The following MICAL1 variants were observed in gnomAD, a reference collection of about 807,000 sequenced individuals.
MICAL1 encodes the protein [F-actin]-monooxygenase MICAL1.
MICAL1 carries 95 observed loss-of-function variants against 131.8 expected under a neutral mutation model. The observed-to-expected ratio is 0.72, with a 90% confidence interval of 0.61 to 0.86. MICAL1 has a LOEUF of 0.86. Among genes scored for constraint, MICAL1 ranks in the 40% least tolerant of loss-of-function variants. MICAL1 has a pLI of 0.00. For missense variants in MICAL1, 1,292 were observed against 1,380.6 expected, an observed-to-expected ratio of 0.94 and a Z score of 1.02; for synonymous variants, 546 against 554.2, an observed-to-expected ratio of 0.99 and a Z score of 0.21.
intron 11 of MICAL1, chr6:109,449,084 G>C: frequency 1.4e-6 from 1 of 732,654 alleles, no homozygotes; most frequent in Admixed American, 2.8e-5. Flanking sequence ...AAGTAGAGGA[G>C]TGAATAAAGT....
intron 14 of MICAL1, 75 bp from the exon 15 acceptor site, chr6:109,447,797 C>T (rs1582641291): frequency 1.9e-6 from 3 of 1,612,194 alleles, no homozygotes; most frequent in South Asian, 2.2e-5. Context: ...ATGTCCTCAC[C>T]ATCACCCCAG....
In MICAL1 at chr6:109,445,231, G is replaced by A. The variant is rs376575225; in HGVS notation, c.2847C>T (p.Gly949=). ...GCCTCAAGGCCAGCTCCAGCTTCAC[G>A]CCCTCGGCCTCTAGCTCCCTCAAGG... The part of the protein sequence containing the change: ...EAALRELEAE[G]VKLELALRRQ... The change falls in exon 22 of 25, where the codon GGC becomes GGT. Residue 949 remains glycine, a synonymous_variant. Coordinates refer to ENST00000358807, the MANE Select transcript of MICAL1 (RefSeq NM_022765.4). The A allele has an allele frequency of 7.4e-6, 12 of 1,613,818 alleles. No homozygotes were observed. The highest frequency in any genetic ancestry group is 1.7e-5 in the Admixed American group (1 of 60,012).
chr6:109,446,015 G>A (rs1482543260), intron 19 of MICAL1, 121 bp downstream of exon 19: 10 of 1,469,970 alleles, frequency 6.8e-6, no homozygotes, highest in Non-Finnish European at 9.0e-6. Flanking sequence ...GAGCAGAGGA[G>A]AGGCTGCCAC....
chr6:109,449,829 C>T, intron 9 of MICAL1, 46 bp from the exon 10 acceptor site: 2 of 1,588,112 alleles, frequency 1.3e-6, no homozygotes, highest in Non-Finnish European at 1.7e-6. Context: ...GGGAGGGCAC[C>T]TGTCAGCACC....
chr6:109,449,593 G>C (rs1218822613), intron 10 of MICAL1, 64 bp downstream of exon 10: 7 of 1,600,440 alleles, frequency 4.4e-6, no homozygotes, highest in East Asian at 2.2e-5. Flanking sequence ...ACTGGGCAGG[G>C]AGGGCCTGAC....
upstream of MICAL1, among the ~76,000 whole-genome samples, chr6:109,460,617 C>G (rs1167333831): frequency 6.6e-6 from 1 of 151,924 alleles, no homozygotes; most frequent in East Asian, 1.9e-4. Context: ...GATAAACTAT[C>G]ACAACATTCC....
Position 109,449,405 on chromosome 6 carries a change from G to T in MICAL1, c.1511C>A (p.Ala504Asp). 6.2e-7 allele frequency: 1 copy of T among 1,614,206 alleles called. No individual in the cohort carries two copies. The highest frequency in any genetic ancestry group is 1.7e-5 in the Admixed American group (1 of 60,028). The change falls in exon 11 of 25, where the codon GCC becomes GAC. Residue 504 changes from alanine (A) to aspartate (D), a missense_variant. By Grantham distance (126) the Ala-to-Asp change is moderately radical. Transcript: ENST00000358807. ...TGGGAGGAAGGCCTGCTCACCGGTG[G>T]CTGGCATCCCTGTATCTGTCTTGTC... ...NNDKTDTGMP[A>D]TGSAGTQEEL... is the part of the protein sequence containing the mutation.
At position 109,449,495 on chromosome 6, in the gene MICAL1, G is replaced by A. The variant is rs762512381; in HGVS notation, c.1435-14C>T. 15 of 1,614,086 alleles carry A rather than the reference G, an allele frequency of 9.3e-6. No individual in the cohort carries two copies. The East Asian group carries it at 1.1e-4, about 12-fold the overall frequency. On this transcript the variant is annotated splice_polypyrimidine_tract_variant and intron_variant, in intron 10 of 24. Coordinates refer to ENST00000358807, the MANE Select transcript of MICAL1 (RefSeq NM_022765.4). Reference sequence around the variant, plus strand: ...CAGGTCTCGTACCTAAGGCAGCCCCGCTCAGGTCTCAAGGCAGGCTGGCCA... The same window carrying A: ...CAGGTCTCGTACCTAAGGCAGCCCCACTCAGGTCTCAAGGCAGGCTGGCCA...
At chr6:109,453,235 A>C in intron 4 of MICAL1, 28 bp downstream of exon 4, 3 of 1,554,368 alleles carry the variant, frequency 1.9e-6, no homozygotes, top group Non-Finnish European at 2.7e-6. Flanking sequence ...GGGGAGGGGG[A>C]GATTCCAGGG....
chr6:109,444,696 GTGTC>G (rs1775128388), intron 24 of MICAL1, 25 bp downstream of exon 24: 1 of 1,612,434 alleles, frequency 6.2e-7, no homozygotes, highest in Non-Finnish European at 8.5e-7. Context: ...TCCCTGGGAT[GTGTC>G]TGCTTCTCCC....
At chr6:109,461,271 C>T (rs143537217) in intron 1 of MICAL1, among the ~76,000 whole-genome samples, 2,750 of 152,224 alleles carry the variant, frequency 0.018, 96 homozygotes, top group African/African-American at 0.063. Context: ...CATGTCCCTG[C>T]AAAGGACATG....
chr6:109,450,671 C>A, intron 7 of MICAL1, 114 bp from the exon 8 acceptor site: 1 of 1,166,898 alleles, frequency 8.6e-7, no homozygotes, highest in Non-Finnish European at 1.2e-6. Context: ...AAGGAAGGGG[C>A]TGCCCTAGAC....
At chr6:109,460,358 CT>C, upstream of MICAL1, among the ~76,000 whole-genome samples, 1 of 146,682 alleles carries the variant, frequency 6.8e-6, no homozygotes, top group East Asian at 2.0e-4. Flanking sequence ...ACTCAGGAGG[CT>C]AAGAGGCTGT....
chr6:109,452,022 C>T lies in MICAL1; in HGVS notation c.832+224G>A, dbSNP rs1775562926. ...ACCACTTAAGCAAAACTCCCATACA[C>T]AGGTTCATCTCTGAGAGATTCCAGG... On this transcript the variant is annotated intron_variant, in intron 6 of 24. Transcript: ENST00000358807. 2.1e-6 allele frequency: 3 copies of T among 1,406,920 alleles called. No individual in the cohort carries two copies. In the South Asian group the frequency reaches 4.9e-5, roughly 23 times the overall value. 87.2% of individuals were successfully genotyped at this position (1,406,920 alleles called of 1,614,324 possible). A position where few individuals can be genotyped will look rare whatever the true frequency, so the allele number is the denominator to read the frequency against.
In MICAL1 at chr6:109,448,772, C is replaced by G; in HGVS notation, c.1624G>C (p.Ala542Pro). 5.0e-6 allele frequency: 8 copies of G among 1,614,134 alleles called. No individual in the cohort carries two copies. The highest frequency in any genetic ancestry group is 1.3e-5 in the African/African-American group (1 of 75,040). ...AGCCGGTACACCAGGGCACACAGAGCTAGCCCATCAGCCCAGGAGGAAGAC... is the reference window on the plus strand; with the variant it reads ...AGCCGGTACACCAGGGCACACAGAGGTAGCCCATCAGCCCAGGAGGAAGAC... ...DLSSSWADGLALCALVYRLQP... is the reference protein window; with the variant it reads ...DLSSSWADGLPLCALVYRLQP... Residue 542 changes from alanine (A) to proline (P), a missense_variant, in exon 12 of 25, where the codon GCT becomes CCT. Coordinates refer to ENST00000358807, the MANE Select transcript of MICAL1 (RefSeq NM_022765.4).
chr6:109,447,596 C>A, intron 15 of MICAL1, 85 bp downstream of exon 15: 2 of 1,599,896 alleles, frequency 1.3e-6, no homozygotes, highest in Non-Finnish European at 8.6e-7. Flanking sequence ...GGGAACAAGA[C>A]ATGGGATGAG....
intron 17 of MICAL1, 40 bp from the exon 18 acceptor site, chr6:109,446,812 C>T (rs767617556): frequency 3.2e-6 from 5 of 1,565,598 alleles, no homozygotes; most frequent in Non-Finnish European, 4.4e-6. Context: ...TTGGTGTGGG[C>T]AGCCCAGTGC....
chr6:109,458,722 A>G (rs1481787588), upstream of MICAL1, among the ~76,000 whole-genome samples: 1 of 151,968 alleles, frequency 6.6e-6, no homozygotes. Flanking sequence ...ATGTTCTGTC[A>G]CCTCCCAATT....
At chr6:109,446,466 G>A (rs780875392) in intron 18 of MICAL1, 54 bp from the exon 19 acceptor site, 1 of 780,974 alleles carries the variant, frequency 1.3e-6, no homozygotes, top group Non-Finnish European at 1.8e-6. Flanking sequence ...CCCCTTCGGA[G>A]CAAAGGTGAG....
Sources: allele counts gnomAD v4.1 joint callset (sites outside exome capture counted in the v4.1 genomes callset), GRCh38; gene constraint gnomAD v4.1.1; transcripts MANE v1.5; gene names NCBI Gene and HGNC (gene_info 2026-07-23, HGNC 2026-07-21).